The following CCDC141 variants were observed in gnomAD, a reference collection of about 807,000 sequenced individuals.
CCDC141 encodes the protein coiled-coil domain containing 141, also known as coiled-coil domain-containing protein 141.
Under a neutral mutation model 181.0 loss-of-function variants are expected in CCDC141, and 168 were observed. That is an observed-to-expected ratio of 0.93 (90% CI 0.82 to 1.05). CCDC141 has a LOEUF of 1.05. CCDC141 is among the 50% of genes least tolerant of loss of function. The pLI, the probability that CCDC141 is intolerant of heterozygous loss-of-function variation, is 0.00. For missense variants in CCDC141, 1,902 were observed against 1,788.5 expected, an observed-to-expected ratio of 1.06 and a Z score of -1.14; for synonymous variants, 666 against 642.3, an observed-to-expected ratio of 1.04 and a Z score of -0.56.
intron 8 of CCDC141, among the ~76,000 whole-genome samples, chr2:178,903,651 A>G (rs1383953115): frequency 6.6e-6 from 1 of 151,530 alleles, no homozygotes; most frequent in African/African-American, 2.4e-5. Context: ...GATATATGTA[A>G]TGCTAAATGA....
intron 4 of CCDC141, among the ~76,000 whole-genome samples, chr2:178,965,530 A>T (rs1559012628): frequency 6.6e-6 from 1 of 152,128 alleles, no homozygotes; most frequent in East Asian, 1.9e-4. Flanking sequence ...TGGTAGGGGA[A>T]TTTTCTCCCC....
intron 2 of CCDC141, among the ~76,000 whole-genome samples, chr2:179,023,837 A>C (rs1236574934): frequency 6.6e-6 from 1 of 152,248 alleles, no homozygotes; most frequent in Non-Finnish European, 1.5e-5. Flanking sequence ...GTCTTATCTC[A>C]TAGAGGTCTG....
In CCDC141 at chr2:179,041,011, T is replaced by C. The variant is rs189336288; in HGVS notation, c.225+6273A>G. Among the ~76,000 whole-genome samples the C allele has an allele frequency of 2.9e-3, 448 of 152,342 alleles. 4 individuals carry two copies. The highest frequency in any genetic ancestry group is 0.01 in the African/African-American group (416 of 41,586). On this transcript the variant is annotated intron_variant, in intron 2 of 23. Transcript: ENST00000443758. ...CAACTAATTTACACTCCTACCAGCA[T>C]GGTAAAAGCATTCCTTTTCTCCAAA...
chr2:178,937,667 C>A (rs112043205), intron 6 of CCDC141, among the ~76,000 whole-genome samples: 4 of 152,018 alleles, frequency 2.6e-5, no homozygotes, highest in African/African-American at 7.2e-5. Flanking sequence ...CTTCTTTGTA[C>A]CTCTGGTGGA....
intron 2 of CCDC141, among the ~76,000 whole-genome samples, chr2:179,001,244 ATACT>A (rs1370477944): frequency 6.6e-6 from 1 of 152,240 alleles, no homozygotes; most frequent in Non-Finnish European, 1.5e-5. Context: ...ATTATTTTAG[ATACT>A]TACGCATCTC....
chr2:178,996,768 C>T (rs908278458), intron 2 of CCDC141, among the ~76,000 whole-genome samples: 4 of 152,212 alleles, frequency 2.6e-5, no homozygotes, highest in Admixed American at 2.0e-4. Context: ...AAGGCCAGAA[C>T]ATTCTTGCAG....
intron 2 of CCDC141, among the ~76,000 whole-genome samples, chr2:179,034,001 A>G (rs531489804): frequency 7.4e-4 from 113 of 152,332 alleles, no homozygotes; most frequent in Admixed American, 1.3e-3. Context: ...TCCTGTTATT[A>G]TATATTGTTT....
chr2:179,023,544 C>A (rs1451199751), intron 2 of CCDC141, among the ~76,000 whole-genome samples: 1 of 152,070 alleles, frequency 6.6e-6, no homozygotes, highest in Non-Finnish European at 1.5e-5. Flanking sequence ...AAAAGTGGTT[C>A]TCACTAGCAA....
At chr2:178,966,516 C>A (rs1427089945) in intron 4 of CCDC141, among the ~76,000 whole-genome samples, 1 of 152,190 alleles carries the variant, frequency 6.6e-6, no homozygotes, top group Non-Finnish European at 1.5e-5. Flanking sequence ...AGCAGACCTG[C>A]AGCAGAGGGG....
the CCDC141 span, among the ~76,000 whole-genome samples, chr2:178,819,928 T>G: frequency 1.6e-4 from 24 of 152,170 alleles, no homozygotes; most frequent in Non-Finnish European, 3.2e-4. Context: ...CATTTTCTGG[T>G]CAGTGTACAC....
chr2:178,937,573 G>A (rs760036127), intron 6 of CCDC141, among the ~76,000 whole-genome samples: 3 of 150,838 alleles, frequency 2.0e-5, no homozygotes, highest in Non-Finnish European at 4.5e-5. Context: ...TGTCTCTGCC[G>A]GGTTTGGGCC....
chr2:178,885,712 A>G (rs759755886), intron 10 of CCDC141, among the ~76,000 whole-genome samples: 1 of 152,184 alleles, frequency 6.6e-6, no homozygotes, highest in South Asian at 2.1e-4. Flanking sequence ...AAATGGATGA[A>G]TAGAAATTGT....
chr2:178,898,125 A>G (rs977480071), intron 8 of CCDC141, among the ~76,000 whole-genome samples: 7 of 152,194 alleles, frequency 4.6e-5, no homozygotes, highest in African/African-American at 1.4e-4. Flanking sequence ...TGGTGTCTTC[A>G]AGAGGTAAAT....
chr2:178,830,306 AAATTC>A lies in CCDC141; in HGVS notation c.*3862_*3866del, dbSNP rs1329198567. On this transcript the variant is annotated 3_prime_UTR_variant, in exon 24 of 24. Coordinates refer to ENST00000443758, the MANE Select transcript of CCDC141 (RefSeq NM_173648.4). ...GTCCGTGGAGCCAGCATCTATTTTT[AAATTC>A]AAATTTTCAATCAGGGTCTAGCCCA... is the stretch of plus-strand genomic sequence containing the variant. The A allele has an allele frequency of 1.3e-5, 2 of 152,146 alleles. No homozygotes were observed. The highest frequency in any genetic ancestry group is 2.4e-5 in the African/African-American group (1 of 41,420). The allele number at this position is 152,146 out of a possible 1,614,324, so 9.4% of individuals were successfully genotyped here. A position where few individuals can be genotyped will look rare whatever the true frequency, so the allele number is the denominator to read the frequency against.
chr2:178,855,548 G>GA lies in CCDC141; in HGVS notation c.2866-8dup, dbSNP rs750391045. ...CCATTTTCCTTTTCAAAGCCTGTGT[G>GA]AAAAACAAAAAGTTTTTTAAACAAC... On this transcript the variant is annotated splice_region_variant and splice_polypyrimidine_tract_variant and intron_variant, in intron 18 of 23. Coordinates refer to ENST00000443758, the MANE Select transcript of CCDC141 (RefSeq NM_173648.4). The GA allele has an allele frequency of 6.5e-7, 1 of 1,549,914 alleles. No individual in the cohort carries two copies. The highest frequency in any genetic ancestry group is 8.7e-7 in the Non-Finnish European group (1 of 1,152,908).
chr2:178,885,426 T>C (rs1686836515), intron 10 of CCDC141, among the ~76,000 whole-genome samples: 1 of 152,216 alleles, frequency 6.6e-6, no homozygotes, highest in South Asian at 2.1e-4. Context: ...AGATAGCTAT[T>C]TGAAATTTAA....
At chr2:178,983,060 T>C (rs2154381335) in intron 2 of CCDC141, among the ~76,000 whole-genome samples, 1 of 152,274 alleles carries the variant, frequency 6.6e-6, no homozygotes, top group South Asian at 2.1e-4. Flanking sequence ...GACTTAAATG[T>C]CCCTGTCTGA....
intron 22 of CCDC141, among the ~76,000 whole-genome samples, chr2:178,841,052 T>C (rs983311764): frequency 9.9e-5 from 15 of 152,224 alleles, no homozygotes; most frequent in Non-Finnish European, 1.6e-4. Flanking sequence ...ATTGTATTAG[T>C]TCATTTTTTA....
At chr2:178,893,971 C>A (rs1003583053) in intron 8 of CCDC141, among the ~76,000 whole-genome samples, 3 of 152,034 alleles carry the variant, frequency 2.0e-5, no homozygotes, top group Admixed American at 6.6e-5. Flanking sequence ...TTCTATGAGG[C>A]CATAGAGACC....
Sources: allele counts gnomAD v4.1 joint callset (sites outside exome capture counted in the v4.1 genomes callset), GRCh38; gene constraint gnomAD v4.1.1; transcripts MANE v1.5; gene names NCBI Gene and HGNC (gene_info 2026-07-23, HGNC 2026-07-21).